TMEM181: variants seen among roughly 807,000 people sequenced by gnomAD.
TMEM181 encodes the protein G protein-coupled receptor 178.
Under a neutral mutation model 71.9 loss-of-function variants are expected in TMEM181, and 39 were observed. The ratio of observed to expected loss-of-function variants is 0.54; its 90% CI spans 0.42 to 0.71. TMEM181 has a LOEUF of 0.71. TMEM181 is among the 30% of genes least tolerant of loss of function. The probability of loss-of-function intolerance (pLI) is 0.00; values close to 1 mark genes in which losing one functional copy is unlikely to be tolerated. For missense variants in TMEM181, 595 were observed against 583.0 expected, an observed-to-expected ratio of 1.02 and a Z score of -0.21; for synonymous variants, 245 against 228.8, an observed-to-expected ratio of 1.07 and a Z score of -0.64.
intron 13 of TMEM181, among the ~76,000 whole-genome samples, chr6:158,626,882 T>TCACACCCC (rs1333841179): frequency 1.4e-5 from 2 of 141,730 alleles, no homozygotes; most frequent in Non-Finnish European, 3.1e-5. Flanking sequence ...TCTCACACTC[T>TCACACCCC]CACACCCCCA....
At chr6:158,560,706 A>G (rs1782114905) in intron 1 of TMEM181, among the ~76,000 whole-genome samples, 2 of 152,270 alleles carry the variant, frequency 1.3e-5, no homozygotes, top group South Asian at 4.1e-4. Context: ...CGAGGCTCTC[A>G]GAGGCGATTG....
In TMEM181 at chr6:158,537,895, C is replaced by T. The variant is rs529569089; in HGVS notation, c.131+1030C>T. Among the ~76,000 whole-genome samples, 17 of 152,246 alleles carry T rather than the reference C, an allele frequency of 1.1e-4. No individual in the cohort carries two copies. The East Asian group carries it at 3.1e-3, about 28-fold the overall frequency. Reference sequence around the variant, plus strand: ...TCACATCTGTTAAAAAACCTAATGCCTTCCCACGGGCTAATCAGCAACGCA... The same window carrying T: ...TCACATCTGTTAAAAAACCTAATGCTTTCCCACGGGCTAATCAGCAACGCA... On this transcript the variant is annotated intron_variant, in intron 1 of 16. Transcript: ENST00000367090.
intron 2 of TMEM181, 94 bp downstream of exon 2, chr6:158,573,617 C>G: frequency 9.6e-7 from 1 of 1,040,772 alleles, no homozygotes. Context: ...CTATCTTCCA[C>G]TGCTAAGGGC....
chr6:158,607,452 A>G (rs1785016111), intron 8 of TMEM181, 109 bp downstream of exon 8: 2 of 991,074 alleles, frequency 2.0e-6, no homozygotes, highest in Admixed American at 2.0e-5. Flanking sequence ...CTGGGGCAGG[A>G]GGACTGCTTG....
rs916031359 is a variant in TMEM181 at position 158,631,179 on chromosome 6, GT to G, written c.1283-143del. 3.7e-6 allele frequency: 3 copies of G among 812,352 alleles called. No homozygotes were observed. In the African/African-American group the frequency reaches 5.0e-5, roughly 14 times the overall value. 50.3% of individuals were successfully genotyped at this position (812,352 alleles called of 1,614,324 possible). ...AGATGAGAAAACAGCCTCACGAGATGTGTTCAGGTTTATACAGACATGGCAG... is the reference window on the plus strand; with the variant it reads ...AGATGAGAAAACAGCCTCACGAGATGGTTCAGGTTTATACAGACATGGCAG... On this transcript the variant is annotated intron_variant, in intron 15 of 16. Transcript: ENST00000684151.
At chr6:158,591,369 G>A (rs754476463) in intron 6 of TMEM181, among the ~76,000 whole-genome samples, 26 of 152,060 alleles carry the variant, frequency 1.7e-4, no homozygotes, top group Non-Finnish European at 3.5e-4. Flanking sequence ...GTGCTGCTGG[G>A]ACAGCTGAGC....
chr6:158,614,603 A>T (rs182648372), intron 10 of TMEM181, among the ~76,000 whole-genome samples: 1 of 152,300 alleles, frequency 6.6e-6, no homozygotes, highest in East Asian at 1.9e-4. Flanking sequence ...CATCATTTAC[A>T]TTAGGTATAT....
upstream of TMEM181, among the ~76,000 whole-genome samples, chr6:158,558,164 G>A (rs761782036): frequency 7.2e-5 from 11 of 152,206 alleles, no homozygotes; most frequent in Non-Finnish European, 1.6e-4. Flanking sequence ...TCGGGGTGGT[G>A]ACAGTTTCCT....
intron 1 of TMEM181, among the ~76,000 whole-genome samples, chr6:158,551,306 A>G (rs1480333234): frequency 6.6e-6 from 1 of 152,112 alleles, no homozygotes; most frequent in Non-Finnish European, 1.5e-5. Context: ...CTTGATCTGA[A>G]TTAGCAGTTT....
chr6:158,565,664 C>T (rs945268645), intron 1 of TMEM181, among the ~76,000 whole-genome samples: 10 of 152,170 alleles, frequency 6.6e-5, no homozygotes, highest in South Asian at 2.1e-4. Context: ...TGAGAGGCAT[C>T]GAAAGTTACT....
At chr6:158,610,008 C>G (rs977769961) in intron 10 of TMEM181, 6 of 222,212 alleles carry the variant, frequency 2.7e-5, no homozygotes, top group Non-Finnish European at 2.9e-5. Context: ...GGCCAGGTAG[C>G]TGCAGTGAAG....
chr6:158,560,144 G>GGCTGCCGCTGCC lies in TMEM181; in HGVS notation c.-79_-68dup, dbSNP rs1478053182. 1.0e-6 allele frequency: 1 copy of GGCTGCCGCTGCC among 984,742 alleles called. No homozygotes were observed. Among genetic ancestry groups the GGCTGCCGCTGCC allele is most frequent in the African/African-American group, 1.7e-5 (1 of 57,178 alleles). 61.0% of individuals were successfully genotyped at this position (984,742 alleles called of 1,614,324 possible). A position where few individuals can be genotyped will look rare whatever the true frequency, so the allele number is the denominator to read the frequency against. On this transcript the variant is annotated 5_prime_UTR_variant, in exon 1 of 17. Transcript: ENST00000684151. ...CCGCTGTCGCTCCGGCTCCGGCTGC[G>GGCTGCCGCTGCC]GCTGCCGCTGCCGAGGCTGCTGCGC...
intron 13 of TMEM181, among the ~76,000 whole-genome samples, chr6:158,627,611 CACCG>C (rs796368573): frequency 0.3 from 45,886 of 151,964 alleles, 7,359 homozygotes; most frequent in East Asian, 0.65. Context: ...CAGAACAGGG[CACCG>C]GCAGCCTGGG....
chr6:158,605,357 A>G lies in TMEM181; in HGVS notation c.573+10A>G. ...CACCTTCATCGTCACTGTGAGTACC[A>G]TTCGCCTGATGGACCGCAGCAGATC... On this transcript the variant is annotated intron_variant, in intron 7 of 16. Transcript: ENST00000684151. 2 of 1,613,460 alleles carry G rather than the reference A, an allele frequency of 1.2e-6. No individual in the cohort carries two copies. The highest frequency in any genetic ancestry group is 8.5e-7 in the Non-Finnish European group (1 of 1,179,590).
intron 6 of TMEM181, among the ~76,000 whole-genome samples, chr6:158,598,143 T>C (rs1784483408): frequency 6.6e-6 from 1 of 152,252 alleles, no homozygotes; most frequent in Non-Finnish European, 1.5e-5. Flanking sequence ...GCATATGCAG[T>C]GACCTTTGAC....
At chr6:158,544,757 C>G (rs78242163) in intron 1 of TMEM181, among the ~76,000 whole-genome samples, 2,299 of 152,246 alleles carry the variant, frequency 0.015, 23 homozygotes, top group Middle Eastern at 0.034. Flanking sequence ...CTGCCCACGC[C>G]TCAGGGCTGT....
chr6:158,624,578 A>G (rs1786161295), intron 11 of TMEM181, among the ~76,000 whole-genome samples: 1 of 152,238 alleles, frequency 6.6e-6, no homozygotes, highest in African/African-American at 2.4e-5. Context: ...GCTTGCTGTG[A>G]CATTACAGAA....
At chr6:158,587,256 C>T (rs1018566240) in intron 5 of TMEM181, among the ~76,000 whole-genome samples, 1 of 152,202 alleles carries the variant, frequency 6.6e-6, no homozygotes, top group Admixed American at 6.5e-5. Flanking sequence ...CTGGTCTGCA[C>T]TGTTCCTTCT....
rs778291505 is a variant in TMEM181 at position 158,589,651 on chromosome 6, A to C, written c.382-21A>C. 46 of 1,598,020 alleles carry C rather than the reference A, an allele frequency of 2.9e-5. 1 individual carries two copies. In the South Asian group the frequency reaches 4.9e-4, roughly 17 times the overall value. On this transcript the variant is annotated intron_variant, in intron 5 of 16. Coordinates refer to ENST00000684151, the MANE Select transcript of TMEM181 (RefSeq NM_001376852.1). Reference sequence around the variant, plus strand: ...GTGAGTCTCGCTTTCTTTAAAGGCAAATCTTTCTGTGTATTTGCAGAAATG... The same window carrying C: ...GTGAGTCTCGCTTTCTTTAAAGGCACATCTTTCTGTGTATTTGCAGAAATG...
Sources: gnomAD v4.1 joint callset for allele counts (sites outside exome capture counted in the v4.1 genomes callset) on GRCh38, gnomAD v4.1.1 for gene constraint, MANE v1.5 for transcripts, NCBI Gene and HGNC (gene_info 2026-07-23, HGNC 2026-07-21) for gene names.